Variants in CNTNAP2 observed in about 807,000 individuals in gnomAD.
The protein encoded by CNTNAP2 is contactin associated protein 2, also known as contactin-associated protein-like 2.
A neutral mutation model predicts 155.2 loss-of-function variants in CNTNAP2; 98 were observed. The ratio of observed to expected loss-of-function variants is 0.63; its 90% CI spans 0.54 to 0.75. The LOEUF is 0.75. Among genes scored for constraint, CNTNAP2 ranks in the 30% least tolerant of loss-of-function variants. The pLI is 0.00. For missense variants in CNTNAP2, 1,727 were observed against 1,688.1 expected (o/e 1.02, Z -0.40); for synonymous variants, 651 against 631.2 (o/e 1.03, Z -0.47).
chr7:147,127,742 C>T (rs1057315781), intron 6 of CNTNAP2, among the ~76,000 whole-genome samples: 8 of 151,914 alleles, frequency 5.3e-5, no homozygotes, highest in African/African-American at 1.4e-4. Flanking sequence ...GTGGTTGGAC[C>T]ACAGAGCATT....
At chr7:146,829,857 T>G (rs1441615340) in intron 2 of CNTNAP2, among the ~76,000 whole-genome samples, 1 of 152,094 alleles carries the variant, frequency 6.6e-6, no homozygotes, top group African/African-American at 2.4e-5. Flanking sequence ...TTTAAAATTA[T>G]CTTTCTTAAA....
At chr7:146,725,484 C>T (rs1801415744) in intron 1 of CNTNAP2, among the ~76,000 whole-genome samples, 1 of 152,122 alleles carries the variant, frequency 6.6e-6, no homozygotes, top group African/African-American at 2.4e-5. Context: ...TTCTCAACCA[C>T]CTTTGTAAAG....
At chr7:148,199,915 G>A (rs1010460073) in intron 18 of CNTNAP2, among the ~76,000 whole-genome samples, 2 of 152,152 alleles carry the variant, frequency 1.3e-5, no homozygotes, top group African/African-American at 4.8e-5. Context: ...TCAGAACCAG[G>A]GGGACAACTG....
intron 15 of CNTNAP2, among the ~76,000 whole-genome samples, chr7:148,063,035 T>G (rs550705081): frequency 6.6e-5 from 10 of 152,196 alleles, no homozygotes; most frequent in African/African-American, 2.4e-4. Flanking sequence ...ATTTGAAAAT[T>G]TAGGCAAAAT....
chr7:148,081,239 G>A (rs1803597551), intron 15 of CNTNAP2, among the ~76,000 whole-genome samples: 1 of 152,142 alleles, frequency 6.6e-6, no homozygotes, highest in African/African-American at 2.4e-5. Context: ...TTGGGTGAGG[G>A]GGACCTGAGA....
rs149786892 is a variant in CNTNAP2 at position 147,134,324 on chromosome 7, A to G, written c.1348+1815A>G. On this transcript the variant is annotated intron_variant, in intron 8 of 23. Coordinates refer to ENST00000361727, the MANE Select transcript of CNTNAP2 (RefSeq NM_014141.6). The stretch of plus-strand genomic sequence containing the variant: ...TAGAATGAACAAAGAAATCCAATAC[A>G]TGACAGTTAATTCACCTTAATAGAT... 5.7e-4 allele frequency among the ~76,000 whole-genome samples: 87 copies of G among 152,084 alleles called. 3 individuals carry two copies. In the East Asian group the frequency reaches 0.013, roughly 22 times the overall value.
chr7:146,187,220 GT>G (rs760840903), intron 1 of CNTNAP2, among the ~76,000 whole-genome samples: 11 of 152,168 alleles, frequency 7.2e-5, no homozygotes, highest in Non-Finnish European at 1.0e-4. Context: ...GTAAATGTGA[GT>G]AGAACATGAA....
chr7:147,128,853 G>A lies in CNTNAP2; in HGVS notation c.1083+17G>A, dbSNP rs112266985. The A allele has an allele frequency of 2.7e-5, 44 of 1,613,482 alleles. No individual in the cohort carries two copies. The highest frequency in any genetic ancestry group is 1.6e-4 in the Middle Eastern group (1 of 6,080). Reference sequence around the variant, plus strand: ...TCAAATGTGGTAAGGATTTTCACCCGCAAAATATTGGTCTATAAAATATCA... The same window carrying A: ...TCAAATGTGGTAAGGATTTTCACCCACAAAATATTGGTCTATAAAATATCA... On this transcript the variant is annotated intron_variant, in intron 7 of 23. Coordinates refer to ENST00000361727, the MANE Select transcript of CNTNAP2 (RefSeq NM_014141.6).
At chr7:148,294,904 GT>G (rs1797255011) in intron 21 of CNTNAP2, among the ~76,000 whole-genome samples, 1 of 152,056 alleles carries the variant, frequency 6.6e-6, no homozygotes, top group Admixed American at 6.5e-5. Context: ...AGTTAAAATT[GT>G]GTTACCAACC....
At chr7:147,877,573 A>C (rs2710100) in intron 13 of CNTNAP2, among the ~76,000 whole-genome samples, 8,521 of 152,272 alleles carry the variant, frequency 0.056, 384 homozygotes, top group African/African-American at 0.13. Context: ...TTCATAGCTA[A>C]GAGAAAGGGT....
intron 1 of CNTNAP2, among the ~76,000 whole-genome samples, chr7:146,307,956 C>T (rs1003799589): frequency 3.9e-5 from 6 of 152,106 alleles, no homozygotes; most frequent in Non-Finnish European, 8.8e-5. Flanking sequence ...GAAATGACAA[C>T]AAAAGTCAAC....
At chr7:148,301,160 G>T (rs1180112352) in intron 21 of CNTNAP2, among the ~76,000 whole-genome samples, 2 of 151,748 alleles carry the variant, frequency 1.3e-5, no homozygotes, top group Non-Finnish European at 2.9e-5. Context: ...TGGGCATGGT[G>T]GCATGCGCCT....
intron 3 of CNTNAP2, among the ~76,000 whole-genome samples, chr7:147,011,761 T>C (rs1798630454): frequency 6.6e-6 from 1 of 152,192 alleles, no homozygotes; most frequent in Admixed American, 6.6e-5. Flanking sequence ...TTGTCATATT[T>C]TCCTGTCTTA....
intron 20 of CNTNAP2, among the ~76,000 whole-genome samples, chr7:148,255,824 T>C (rs1424220646): frequency 6.6e-6 from 1 of 152,222 alleles, no homozygotes; most frequent in East Asian, 1.9e-4. Flanking sequence ...GTCTCTTAAA[T>C]CCTTTCTCTC....
At chr7:148,185,920 A>G (rs1795108770) in intron 18 of CNTNAP2, among the ~76,000 whole-genome samples, 1 of 152,346 alleles carries the variant, frequency 6.6e-6, no homozygotes, top group South Asian at 2.1e-4. Context: ...CTGTGGCCTC[A>G]TACAACAACC....
At chr7:146,297,915 A>T (rs1800541938) in intron 1 of CNTNAP2, among the ~76,000 whole-genome samples, 1 of 152,176 alleles carries the variant, frequency 6.6e-6, no homozygotes, top group African/African-American at 2.4e-5. Context: ...GTAAATAAAA[A>T]AAACTTTATT....
intron 18 of CNTNAP2, among the ~76,000 whole-genome samples, chr7:148,204,889 C>T (rs1281641077): frequency 6.6e-6 from 1 of 152,196 alleles, no homozygotes; most frequent in Non-Finnish European, 1.5e-5. Flanking sequence ...CTGTAAGCCT[C>T]AGTTACCTCA....
intron 2 of CNTNAP2, among the ~76,000 whole-genome samples, chr7:146,833,230 C>T (rs1051491508): frequency 6.6e-6 from 1 of 152,058 alleles, no homozygotes; most frequent in East Asian, 1.9e-4. Flanking sequence ...TCCACTAGCC[C>T]TCAATTGCTA....
chr7:148,388,244 C>T (rs1799262023), intron 22 of CNTNAP2, among the ~76,000 whole-genome samples: 2 of 151,594 alleles, frequency 1.3e-5, no homozygotes, highest in Non-Finnish European at 1.5e-5. Context: ...GCTGCACCCA[C>T]TAACTCATCA....
Sources: allele counts gnomAD v4.1 joint callset (sites outside exome capture counted in the v4.1 genomes callset), GRCh38; gene constraint gnomAD v4.1.1; transcripts MANE v1.5; gene names NCBI Gene and HGNC (gene_info 2026-07-23, HGNC 2026-07-21).